Variants in LRMDA observed in about 807,000 individuals in gnomAD.
LRMDA encodes the protein leucine-rich melanocyte differentiation-associated protein.
A neutral mutation model predicts 29.8 loss-of-function variants in LRMDA; 18 were observed. The ratio of observed to expected loss-of-function variants is 0.60; its 90% CI spans 0.42 to 0.90. LRMDA has a LOEUF of 0.90. Ranked by LOEUF, LRMDA falls within the 40% of genes least tolerant of loss-of-function variation. LRMDA has a pLI of 0.00. For synonymous variants in LRMDA, 125 were observed against 109.4 expected, an observed-to-expected ratio of 1.14 and a Z score of -0.89; for missense variants, 273 against 273.9, an observed-to-expected ratio of 1.00 and a Z score of 0.02.
At chr10:75,861,974 C>G (rs1535570) in intron 2 of LRMDA, among the ~76,000 whole-genome samples, 2 of 151,838 alleles carry the variant, frequency 1.3e-5, no homozygotes, top group African/African-American at 4.8e-5. Context: ...AGCTATCCCC[C>G]CCAAGATTCT....
rs117587492 is a variant in LRMDA at position 75,696,984 on chromosome 10, C to G, written c.131+258490C>G. Among the ~76,000 whole-genome samples, 284 of 152,284 alleles carry G rather than the reference C, an allele frequency of 1.9e-3. 1 individual carries two copies. Among genetic ancestry groups the G allele is most frequent in the Non-Finnish European group, 3.4e-3 (231 of 68,044 alleles). Reference sequence around the variant, plus strand: ...TTTCTAGACTCCTCTCCTTGGCCATCATAATATCATTTTCCTGCAGATTCA... The same window carrying G: ...TTTCTAGACTCCTCTCCTTGGCCATGATAATATCATTTTCCTGCAGATTCA... On this transcript the variant is annotated intron_variant, in intron 2 of 6. Coordinates refer to ENST00000611255, the MANE Select transcript of LRMDA (RefSeq NM_001305581.2).
At chr10:76,138,907 T>A (rs1398732895) in intron 5 of LRMDA, among the ~76,000 whole-genome samples, 1 of 152,122 alleles carries the variant, frequency 6.6e-6, no homozygotes, top group Non-Finnish European at 1.5e-5. Context: ...TTTACATCAT[T>A]TTTTTTATAT....
intron 2 of LRMDA, among the ~76,000 whole-genome samples, chr10:75,634,214 GT>G (rs1306899611): frequency 6.6e-6 from 1 of 152,180 alleles, no homozygotes; most frequent in African/African-American, 2.4e-5. Context: ...GAAAGTCAGG[GT>G]GGAGATAAGG....
chr10:76,429,936 G>A (rs1387590773), intron 6 of LRMDA, among the ~76,000 whole-genome samples: 1 of 152,198 alleles, frequency 6.6e-6, no homozygotes, highest in Non-Finnish European at 1.5e-5. Context: ...GAGAGAACCA[G>A]ATCCGAGACA....
At position 75,936,346 on chromosome 10, in the gene LRMDA, C is replaced by T. The variant is rs992998284; in HGVS notation, c.132-99662C>T. Among the ~76,000 whole-genome samples the T allele has an allele frequency of 3.9e-5, 6 of 152,118 alleles. 1 individual carries two copies. Among genetic ancestry groups the T allele is most frequent in the East Asian group, 3.9e-4 (2 of 5,194 alleles). ...TTTGCTTTACTTCTCCAGAGTCTGA[C>T]GAGCTCATCTTTAAAATGGAGAAAT... On this transcript the variant is annotated intron_variant, in intron 2 of 6. Coordinates refer to ENST00000611255, the MANE Select transcript of LRMDA (RefSeq NM_001305581.2).
At chr10:76,523,505 A>G (rs998176930) in intron 6 of LRMDA, among the ~76,000 whole-genome samples, 3 of 151,996 alleles carry the variant, frequency 2.0e-5, no homozygotes, top group Non-Finnish European at 4.4e-5. Flanking sequence ...ACTGTCCCTG[A>G]GATCACAGCT....
At chr10:76,121,975 C>T (rs1849797925) in intron 5 of LRMDA, among the ~76,000 whole-genome samples, 1 of 152,008 alleles carries the variant, frequency 6.6e-6, no homozygotes, top group South Asian at 2.1e-4. Flanking sequence ...GAGGAGCTTG[C>T]ATTTTGGGGT....
intron 5 of LRMDA, among the ~76,000 whole-genome samples, chr10:76,210,571 G>A (rs191957067): frequency 2.0e-5 from 3 of 152,260 alleles, no homozygotes; most frequent in African/African-American, 4.8e-5. Flanking sequence ...AGATGTTTGG[G>A]ATATATATAT....
At chr10:75,708,829 G>C (rs1842401957) in intron 2 of LRMDA, among the ~76,000 whole-genome samples, 1 of 152,194 alleles carries the variant, frequency 6.6e-6, no homozygotes, top group Admixed American at 6.5e-5. Context: ...CATAGCAGCA[G>C]CTCTCAGCAT....
chr10:76,316,543 C>T (rs1840701934), intron 5 of LRMDA, among the ~76,000 whole-genome samples: 1 of 152,202 alleles, frequency 6.6e-6, no homozygotes, highest in East Asian at 1.9e-4. Flanking sequence ...AAGCAAAACT[C>T]AGGCAAAGGC....
intron 2 of LRMDA, among the ~76,000 whole-genome samples, chr10:75,497,757 T>A (rs1264706447): frequency 6.6e-6 from 1 of 152,192 alleles, no homozygotes; most frequent in Non-Finnish European, 1.5e-5. Flanking sequence ...CACAGTGCAT[T>A]TGAAATTTAT....
intron 6 of LRMDA, among the ~76,000 whole-genome samples, chr10:76,455,525 G>A (rs1842448148): frequency 6.6e-6 from 1 of 152,130 alleles, no homozygotes; most frequent in Non-Finnish European, 1.5e-5. Context: ...AATGTCACAG[G>A]AGGCTCCTTA....
chr10:75,499,325 G>C (rs934807537), intron 2 of LRMDA, among the ~76,000 whole-genome samples: 1 of 152,160 alleles, frequency 6.6e-6, no homozygotes, highest in Admixed American at 6.5e-5. Context: ...ATCTTTTCCA[G>C]GTTTGTGGGT....
At chr10:75,788,218 A>G (rs1843505516) in intron 2 of LRMDA, among the ~76,000 whole-genome samples, 1 of 152,218 alleles carries the variant, frequency 6.6e-6, no homozygotes, top group African/African-American at 2.4e-5. Context: ...GAAAATCAAA[A>G]TAACAGTGGC....
chr10:75,664,409 G>C (rs951903711), intron 2 of LRMDA, among the ~76,000 whole-genome samples: 1 of 152,230 alleles, frequency 6.6e-6, no homozygotes, highest in Non-Finnish European at 1.5e-5. Flanking sequence ...CAGGCAATGG[G>C]CTTGGTGCCA....
intron 2 of LRMDA, among the ~76,000 whole-genome samples, chr10:75,911,583 G>A (rs1251197110): frequency 1.3e-5 from 2 of 152,204 alleles, no homozygotes; most frequent in Non-Finnish European, 2.9e-5. Context: ...TAATGCTGGC[G>A]TTTATGAAAG....
intron 2 of LRMDA, among the ~76,000 whole-genome samples, chr10:75,621,199 T>TACACACACACAC (rs753933285): frequency 2.3e-4 from 31 of 136,744 alleles, no homozygotes; most frequent in South Asian, 9.5e-4. Flanking sequence ...AGTATTCCAT[T>TACACACACACAC]ACACACACAC....
chr10:75,582,634 C>T lies in LRMDA; in HGVS notation c.131+144140C>T, dbSNP rs145863005. ...CCTCTGAAATGCTTTCAAGGCATTT[C>T]CCCCATTGTTTTGGTGATTAGCAAT... On this transcript the variant is annotated intron_variant, in intron 2 of 6. Transcript: ENST00000611255. 3.3e-5 allele frequency among the ~76,000 whole-genome samples: 5 copies of T among 152,294 alleles called. No individual in the cohort carries two copies. In the East Asian group the frequency reaches 9.6e-4, roughly 29 times the overall value.
chr10:75,702,213 A>T (rs1214842226), intron 2 of LRMDA, among the ~76,000 whole-genome samples: 2 of 152,068 alleles, frequency 1.3e-5, no homozygotes, highest in African/African-American at 4.8e-5. Context: ...CAGTCATTTA[A>T]CTTGTAATTA....
Sources: allele counts gnomAD v4.1 joint callset (sites outside exome capture counted in the v4.1 genomes callset), GRCh38; gene constraint gnomAD v4.1.1; transcripts MANE v1.5; gene names NCBI Gene and HGNC (gene_info 2026-07-23, HGNC 2026-07-21).